The following POM121C variants were observed in gnomAD, a reference collection of about 807,000 sequenced individuals.
The protein encoded by POM121C is nuclear envelope pore membrane protein POM 121C.
Under a neutral mutation model 66.4 loss-of-function variants are expected in POM121C, and 20 were observed. The observed-to-expected ratio is 0.30, with a 90% CI of 0.21 to 0.44. POM121C has a LOEUF of 0.44. Ranked by LOEUF, POM121C falls within the 20% of genes least tolerant of loss-of-function variation. POM121C has a pLI of 1.00. For synonymous variants in POM121C, 286 were observed against 528.0 expected, an observed-to-expected ratio of 0.54 and a Z score of 6.28; for missense variants, 580 against 1,225.7, an observed-to-expected ratio of 0.47 and a Z score of 7.87.
intron 3 of POM121C, among the ~76,000 whole-genome samples, chr7:75,454,476 C>T (rs1791135730): frequency 6.6e-6 from 1 of 152,096 alleles, no homozygotes; most frequent in Admixed American, 6.6e-5. Context: ...GTGCCATGTG[C>T]TCTGGGTGGC....
At chr7:75,431,855 G>GAA (rs1790197030) in intron 7 of POM121C, among the ~76,000 whole-genome samples, 1 of 152,086 alleles carries the variant, frequency 6.6e-6, no homozygotes, top group African/African-American at 2.4e-5. Flanking sequence ...GGGAGGCTGA[G>GAA]GCATGAGAAT....
intron 7 of POM121C, among the ~76,000 whole-genome samples, chr7:75,430,786 G>C (rs587729789): frequency 1.7e-4 from 26 of 152,198 alleles, no homozygotes; most frequent in Admixed American, 1.4e-3. Context: ...TAGTAGAAAA[G>C]AGCCAAGAGG....
At chr7:75,460,406 G>A (rs1457751075) in intron 3 of POM121C, among the ~76,000 whole-genome samples, 2 of 152,004 alleles carry the variant, frequency 1.3e-5, no homozygotes, top group Admixed American at 1.3e-4. Flanking sequence ...GGAGGCTGAG[G>A]TGAGAGAATC....
chr7:75,448,145 G>A (rs1790890716), intron 3 of POM121C, among the ~76,000 whole-genome samples: 2 of 152,088 alleles, frequency 1.3e-5, no homozygotes, highest in Admixed American at 6.5e-5. Flanking sequence ...CTTGAGCCTG[G>A]GGGTTTCCTT....
intron 3 of POM121C, chr7:75,442,338 G>A: frequency 7.1e-7 from 1 of 1,411,748 alleles, no homozygotes; most frequent in Non-Finnish European, 9.1e-7. Flanking sequence ...GGCTTGCCCA[G>A]GTAACTGCCC....
chr7:75,427,623 G>C (rs1159839769), intron 7 of POM121C, among the ~76,000 whole-genome samples: 1 of 151,646 alleles, frequency 6.6e-6, no homozygotes, highest in Non-Finnish European at 1.5e-5. Context: ...CAGCAAAGTA[G>C]ATGGCACAGA....
At chr7:75,432,363 G>A (rs1554472460) in intron 7 of POM121C, among the ~76,000 whole-genome samples, 2 of 152,116 alleles carry the variant, frequency 1.3e-5, no homozygotes, top group Non-Finnish European at 2.9e-5. Context: ...TATTCCCAGT[G>A]CGGAACAGTA....
intron 7 of POM121C, among the ~76,000 whole-genome samples, chr7:75,436,702 G>T (rs1254607806): frequency 6.6e-6 from 1 of 152,006 alleles, no homozygotes; most frequent in African/African-American, 2.4e-5. Flanking sequence ...CTCAATCATT[G>T]CAACAGCACT....
In POM121C at chr7:75,486,015, C is replaced by T; in HGVS notation, c.-609G>A. 2.1e-6 allele frequency: 1 copy of T among 474,868 alleles called. No individual in the cohort carries two copies. The highest frequency in any genetic ancestry group is 4.2e-6 in the Non-Finnish European group (1 of 240,020). 29.4% of individuals were successfully genotyped at this position (474,868 alleles called of 1,614,324 possible). ...AGGGGCCCGGGCCGGGCCTACGGGG[C>T]AAATCCAGGCGGGTGTCCTTCTCGG... On this transcript the variant is annotated 5_prime_UTR_variant, in exon 1 of 15. Transcript: ENST00000615331.
intron 3 of POM121C, among the ~76,000 whole-genome samples, chr7:75,466,703 C>T (rs587661493): frequency 1.3e-5 from 2 of 149,926 alleles, no homozygotes; most frequent in African/African-American, 4.9e-5. Flanking sequence ...GTTGGCTCTT[C>T]GAAAAGATCA....
chr7:75,441,704 T>C, intron 3 of POM121C, 57 bp from the exon 4 acceptor site: 1 of 1,433,804 alleles, frequency 7.0e-7, no homozygotes, highest in South Asian at 1.3e-5. Flanking sequence ...GTCAAAATTT[T>C]AGACGGTTAA....
At chr7:75,451,092 G>A (rs141220189) in intron 3 of POM121C, among the ~76,000 whole-genome samples, 11,085 of 152,214 alleles carry the variant, frequency 0.073, 506 homozygotes, top group Non-Finnish European at 0.1. Context: ...TTGTGAAAAT[G>A]GCTATACTAC....
chr7:75,421,340 A>T, intron 13 of POM121C, 169 bp downstream of exon 13: 2 of 1,462,274 alleles, frequency 1.4e-6, no homozygotes, highest in Non-Finnish European at 1.8e-6. Context: ...TGGCTCCTCC[A>T]GTCATTACTA....
chr7:75,481,968 A>G (rs1299691684), intron 1 of POM121C, among the ~76,000 whole-genome samples: 2 of 152,204 alleles, frequency 1.3e-5, no homozygotes, highest in Non-Finnish European at 2.9e-5. Context: ...TCACAAAAAC[A>G]AAGAAGGTAA....
chr7:75,463,178 G>A (rs1791505323), intron 3 of POM121C, among the ~76,000 whole-genome samples: 2 of 152,056 alleles, frequency 1.3e-5, no homozygotes, highest in African/African-American at 4.8e-5. Flanking sequence ...ACAAAAGTAA[G>A]CCGGGTGTGG....
At chr7:75,446,474 T>C (rs1584680723) in intron 3 of POM121C, among the ~76,000 whole-genome samples, 1 of 147,300 alleles carries the variant, frequency 6.8e-6, no homozygotes, top group East Asian at 2.1e-4. Context: ...CATGAGCCAC[T>C]GTGCCCAGCC....
At chr7:75,478,836 G>A (rs1792189951) in intron 1 of POM121C, among the ~76,000 whole-genome samples, 1 of 145,352 alleles carries the variant, frequency 6.9e-6, no homozygotes, top group Non-Finnish European at 1.5e-5. Flanking sequence ...GGTACTTGAA[G>A]AGATAATGAT....
intron 13 of POM121C, chr7:75,420,128 G>C (rs1316416188): frequency 6.6e-6 from 1 of 152,220 alleles, no homozygotes; most frequent in Non-Finnish European, 1.5e-5. Context: ...GAGGACCCTT[G>C]GCTCACTGGC....
chr7:75,486,117 T>G lies in POM121C; in HGVS notation c.-711A>C, dbSNP rs1792535521. The G allele has an allele frequency of 2.9e-6, 1 of 350,218 alleles. No homozygotes were observed. The highest frequency in any genetic ancestry group is 5.5e-6 in the Non-Finnish European group (1 of 183,426). The allele number at this position is 350,218 out of a possible 1,614,324, so 21.7% of individuals were successfully genotyped here. On this transcript the variant is annotated 5_prime_UTR_variant, in exon 1 of 15. Coordinates refer to ENST00000615331, the MANE Select transcript of POM121C (RefSeq NM_001099415.3). ...CGGCTCCGGGGTTCACGCTCGGGGG[T>G]CCCAGCTCGAGCCTCTACCCGGCCC...
Sources: allele counts gnomAD v4.1 joint callset (sites outside exome capture counted in the v4.1 genomes callset), GRCh38; gene constraint gnomAD v4.1.1; transcripts MANE v1.5; gene names NCBI Gene and HGNC (gene_info 2026-07-23, HGNC 2026-07-21).